The following ASAP3 variants were observed in gnomAD, a reference collection of about 807,000 sequenced individuals.
The protein encoded by ASAP3 is ArfGAP with SH3 domain, ankyrin repeat and PH domain 3.
In ASAP3, 85 loss-of-function variants were observed where a neutral mutation model predicts 118.2. That is an observed-to-expected ratio of 0.72 (90% CI 0.60 to 0.86). ASAP3 has a LOEUF of 0.86. Ranked by LOEUF, ASAP3 falls within the 40% of genes least tolerant of loss-of-function variation. ASAP3 has a pLI of 0.00. For synonymous variants in ASAP3, 432 were observed against 477.4 expected (o/e 0.90, Z 1.24); for missense variants, 1,026 against 1,175.0 (o/e 0.87, Z 1.85).
upstream of ASAP3, chr1:23,484,226 T>TCCCGGCCTCCACACGCCCCGC: frequency 8.6e-7 from 1 of 1,157,794 alleles, no homozygotes; most frequent in Middle Eastern, 3.4e-4. Context: ...GGGGGCGCCG[T>TCCCGGCCTCCACACGCCCCGC]CCCGGCCTCC....
intron 5 of ASAP3, 52 bp downstream of exon 5, chr1:23,451,427 C>A: frequency 6.3e-7 from 1 of 1,575,490 alleles, no homozygotes; most frequent in Non-Finnish European, 8.7e-7. Flanking sequence ...TCTTCCCTAT[C>A]CAGCCTAAGT....
chr1:23,464,301 C>T (rs918017343), intron 1 of ASAP3, among the ~76,000 whole-genome samples: 6 of 151,862 alleles, frequency 4.0e-5, no homozygotes, highest in Non-Finnish European at 8.8e-5. Flanking sequence ...ATTCTCCTGC[C>T]TCAGGCTCCT....
chr1:23,446,296 C>T (rs1006070390), intron 5 of ASAP3, among the ~76,000 whole-genome samples: 4 of 152,170 alleles, frequency 2.6e-5, no homozygotes, highest in Non-Finnish European at 4.4e-5. Flanking sequence ...AGCTTGTTTC[C>T]CCATTTGGAA....
In ASAP3 at chr1:23,433,417, G is replaced by C. The variant is rs1481236697; in HGVS notation, c.2127+8C>G. 1.2e-6 allele frequency: 2 copies of C among 1,614,040 alleles called. No individual in the cohort carries two copies. The highest frequency in any genetic ancestry group is 1.7e-5 in the Admixed American group (1 of 59,998). On this transcript the variant is annotated splice_region_variant and intron_variant, in intron 21 of 24. Transcript: ENST00000336689. ...TCCAGAGGCCTGAGGGACAGGGCTG[G>C]GACCCACCTTCTCTTCCTCATCCTC...
rs1386103228 is a variant in ASAP3 at position 23,441,471 on chromosome 1, G to A, written c.750C>T (p.Leu250=). ...IEKLAASVHA[L]HQAQEDELQK... is the part of the protein sequence containing the mutation. ...GTAGCTCGTCCTCCTGGGCCTGATG[G>A]AGCTATGGGACAGAGGATGGGATCC... The change falls in exon 9 of 25, where the codon CTC becomes CTT. Residue 250 remains leucine, a splice_region_variant and synonymous_variant. Transcript: ENST00000336689. The A allele has an allele frequency of 1.1e-5, 17 of 1,614,070 alleles. No homozygotes were observed. The highest frequency in any genetic ancestry group is 1.4e-5 in the Non-Finnish European group (16 of 1,180,006).
chr1:23,434,325 T>C lies in ASAP3; in HGVS notation c.1880A>G (p.His627Arg), dbSNP rs1256614078. Residue 627 changes from histidine to arginine, a missense_variant, in exon 19 of 25, where the codon CAC becomes CGC. Physicochemically the swap from His to Arg is conservative, Grantham distance 29. Transcript: ENST00000336689. The part of the protein sequence containing the change: ...AKAADGNTAL[H>R]YAALYNQPDC... ...GGGCTGGTTGTAGAGTGCTGCGTAG[T>C]GCAGAGCCGTGTTCCCGTCAGCAGC... 6.2e-7 allele frequency: 1 copy of C among 1,614,144 alleles called. No individual in the cohort carries two copies. Among genetic ancestry groups the C allele is most frequent in the East Asian group, 2.2e-5 (1 of 44,888 alleles).
chr1:23,454,519 A>G (rs1305142993), intron 3 of ASAP3, among the ~76,000 whole-genome samples: 1 of 152,014 alleles, frequency 6.6e-6, no homozygotes. Flanking sequence ...GGGTCTCACT[A>G]CATTGCCCAG....
At chr1:23,429,984 T>C in intron 24 of ASAP3, 54 bp from the exon 25 acceptor site, 4 of 1,440,484 alleles carry the variant, frequency 2.8e-6, no homozygotes, top group Non-Finnish European at 3.9e-6. Flanking sequence ...ACATACCAGG[T>C]GTTCATCTCA....
At position 23,436,728 on chromosome 1, in the gene ASAP3, G is replaced by A. The variant is rs557153836; in HGVS notation, c.1477-74C>T. ...AAGCCTGCATAGGGTGGAGCTCCAA[G>A]CCCCCAGAGTCCCGCCCCTCGGCCG... On this transcript the variant is annotated intron_variant, in intron 15 of 24. Coordinates refer to ENST00000336689, the MANE Select transcript of ASAP3 (RefSeq NM_017707.4). The surrounding 1 kb of genome is among the most constrained non-coding windows in gnomAD (Gnocchi z 4.2). 295 of 1,590,492 alleles carry A rather than the reference G, an allele frequency of 1.9e-4. 2 individuals are homozygous for A. The South Asian group carries it at 3.0e-3, about 16-fold the overall frequency.
At chr1:23,461,578 T>G (rs1474983585) in intron 1 of ASAP3, among the ~76,000 whole-genome samples, 5 of 151,888 alleles carry the variant, frequency 3.3e-5, no homozygotes, top group African/African-American at 1.2e-4. Context: ...GGAGGACTGT[T>G]TGACCCCAGG....
In ASAP3 at chr1:23,481,592, C is replaced by G. The variant is rs147984439; in HGVS notation, c.129+2413G>C. On this transcript the variant is annotated intron_variant, in intron 1 of 24. Transcript: ENST00000336689. ...GCCTTTCTGTTGTAACAATGAACCT[C>G]TACGTGCACCAAACCAAAAATCTGA... Among the ~76,000 whole-genome samples the G allele has an allele frequency of 2.0e-3, 311 of 152,308 alleles. 1 individual carries two copies. The highest frequency in any genetic ancestry group is 7.1e-3 in the African/African-American group (293 of 41,558).
chr1:23,460,438 C>T (rs534040734), intron 1 of ASAP3, among the ~76,000 whole-genome samples: 10 of 140,932 alleles, frequency 7.1e-5, no homozygotes, highest in Admixed American at 6.0e-4. Flanking sequence ...ACCTAGGAGG[C>T]GGAGGTTGCA....
intron 5 of ASAP3, among the ~76,000 whole-genome samples, chr1:23,444,535 T>C (rs1361148870): frequency 3.3e-5 from 5 of 152,212 alleles, no homozygotes; most frequent in Non-Finnish European, 7.3e-5. Flanking sequence ...GGTCTCCTCA[T>C]CTGGAAAACG....
At position 23,433,166 on chromosome 1, in the gene ASAP3, T is replaced by C. The variant is rs962892972; in HGVS notation, c.2234A>G (p.Gln745Arg). The change falls in exon 22 of 25, where the codon CAG becomes CGG. Residue 745 changes from glutamine to arginine, a missense_variant. Physicochemically the swap from Gln to Arg is conservative, Grantham distance 43. Transcript: ENST00000336689. Reference protein sequence around the residue: ...TVASLGAATPQGESEDCPPPL... With the variant: ...TVASLGAATPRGESEDCPPPL... ...CGGGGGACAGTCCTCACTCTCGCCC[T>C]GAGGGGTGGCTGCTCCCAGGCTGGC... 1.2e-6 allele frequency: 2 copies of C among 1,614,010 alleles called. No homozygotes were observed. The highest frequency in any genetic ancestry group is 2.7e-5 in the African/African-American group (2 of 74,910).
Position 23,434,319 on chromosome 1 carries a change from G to C in ASAP3, c.1886C>G (p.Ala629Gly). Reference sequence around the variant, plus strand: ...GCAGTCGGGCTGGTTGTAGAGTGCTGCGTAGTGCAGAGCCGTGTTCCCGTC... The same window carrying C: ...GCAGTCGGGCTGGTTGTAGAGTGCTCCGTAGTGCAGAGCCGTGTTCCCGTC... ...AADGNTALHY[A>G]ALYNQPDCLK... The change falls in exon 19 of 25, where the codon GCA becomes GGA. Residue 629 changes from alanine to glycine, a missense_variant. Coordinates refer to ENST00000336689, the MANE Select transcript of ASAP3 (RefSeq NM_017707.4). 1 of 1,614,222 alleles carries C rather than the reference G, an allele frequency of 6.2e-7. No homozygotes were observed. Among genetic ancestry groups the C allele is most frequent in the African/African-American group, 1.3e-5 (1 of 75,048 alleles).
intron 1 of ASAP3, among the ~76,000 whole-genome samples, chr1:23,475,156 A>T (rs1570412953): frequency 6.6e-6 from 1 of 152,092 alleles, no homozygotes. Flanking sequence ...CCTCCCTTAC[A>T]CCTAAGCTCA....
intron 3 of ASAP3, among the ~76,000 whole-genome samples, chr1:23,454,712 C>A (rs1192164672): frequency 4.6e-5 from 7 of 152,164 alleles, no homozygotes; most frequent in Admixed American, 1.3e-4. Flanking sequence ...TAGGTTGGTG[C>A]AAAAGTAATT....
Position 23,429,172 on chromosome 1 carries a change from C to G in ASAP3, c.*684G>C, listed in dbSNP as rs1640337867. 1 of 152,428 alleles carries G rather than the reference C, an allele frequency of 6.6e-6. No individual in the cohort carries two copies. Among genetic ancestry groups the G allele is most frequent in the African/African-American group, 2.4e-5 (1 of 41,432 alleles). The allele number at this position is 152,428 out of a possible 1,614,324, so 9.4% of individuals were successfully genotyped here. On this transcript the variant is annotated 3_prime_UTR_variant, in exon 25 of 25. Coordinates refer to ENST00000336689, the MANE Select transcript of ASAP3 (RefSeq NM_017707.4). ...CATTCAGAATATTTTTATTTAACAG[C>G]CAGTACAGCATGCATGTTGACCAGC...
Position 23,433,099 on chromosome 1 carries a change from C to G in ASAP3, c.2301G>C (p.Gly767=). ...TACCTCCACTGGCATGTCTTGCACA[C>G]CCTTGGACCAAAGTCCGAGAAGAGT... ...VKNSSRTLVQ[G]CARHASGDRS... Residue 767 remains glycine, a synonymous_variant, in exon 22 of 25, where the codon GGG becomes GGC. Transcript: ENST00000336689. The G allele has an allele frequency of 1.9e-6, 3 of 1,614,108 alleles. No individual in the cohort carries two copies. The highest frequency in any genetic ancestry group is 1.7e-6 in the Non-Finnish European group (2 of 1,180,016).
Sources: allele counts gnomAD v4.1 joint callset (sites outside exome capture counted in the v4.1 genomes callset), GRCh38; gene constraint gnomAD v4.1.1; non-coding constraint Gnocchi (gnomAD v3.1); transcripts MANE v1.5; gene names NCBI Gene and HGNC (gene_info 2026-07-23, HGNC 2026-07-21).